TMPRSS7: variants seen among roughly 807,000 people sequenced by gnomAD.
TMPRSS7 encodes the protein transmembrane serine protease 7, also known as transmembrane protease serine 7.
In TMPRSS7, 81 loss-of-function variants were observed where a neutral mutation model predicts 95.6. That is an observed-to-expected ratio of 0.85 (90% CI 0.71 to 1.02). TMPRSS7 has a LOEUF of 1.02. Ranked by LOEUF, TMPRSS7 falls within the 50% of genes least tolerant of loss-of-function variation. TMPRSS7 has a pLI of 0.00. For synonymous variants in TMPRSS7, 364 were observed against 337.8 expected, an observed-to-expected ratio of 1.08 and a Z score of -0.85; for missense variants, 945 against 955.2, an observed-to-expected ratio of 0.99 and a Z score of 0.14.
rs531493398 is a variant in TMPRSS7, at chr3:112,043,423, T to G, written c.430-832T>G. On this transcript the variant is annotated intron_variant, in intron 3 of 17. Transcript: ENST00000452346. The stretch of plus-strand genomic sequence containing the variant: ...AAAATTATCCCAAGGAGGTGGGTGT[T>G]TTGATTACCACTTTATAGGTGAAAA... 3.9e-5 allele frequency among the ~76,000 whole-genome samples: 6 copies of G among 152,288 alleles called. No individual in the cohort carries two copies. In the South Asian group the frequency reaches 1.2e-3, roughly 32 times the overall value.
chr3:112,044,337 T>C lies in TMPRSS7; in HGVS notation c.497+15T>C. ...GCAGATGTCAGGTAATGCATGTCCC[T>C]TGTTTTGAGATTTCTGTGTTCATTG... On this transcript the variant is annotated intron_variant, in intron 4 of 17. Coordinates refer to ENST00000452346, the Ensembl canonical transcript of TMPRSS7. The C allele has an allele frequency of 1.3e-6, 2 of 1,546,888 alleles. No individual in the cohort carries two copies. The highest frequency in any genetic ancestry group is 1.7e-6 in the Non-Finnish European group (2 of 1,142,880).
intron 12 of TMPRSS7, among the ~76,000 whole-genome samples, chr3:112,065,543 GT>G (rs1181434710): frequency 6.6e-6 from 1 of 152,024 alleles, no homozygotes; most frequent in Non-Finnish European, 1.5e-5. Context: ...AATAAGGACT[GT>G]TTTTTGGTAA....
chr3:112,048,404 G>A (rs560407271), intron 7 of TMPRSS7, among the ~76,000 whole-genome samples: 98 of 152,104 alleles, frequency 6.4e-4, no homozygotes, highest in African/African-American at 2.3e-3. Context: ...TAGAGGAAAC[G>A]GTATCAATTA....
At chr3:112,041,832 A>G in intron 2 of TMPRSS7, 88 bp from the exon 3 acceptor site, 1 of 834,132 alleles carries the variant, frequency 1.2e-6, no homozygotes, top group East Asian at 2.7e-5. Flanking sequence ...AAATTATTTT[A>G]GGAGCCTCAT....
chr3:112,044,371 T>C (rs2073250652), intron 4 of TMPRSS7, 49 bp downstream of exon 4: 1 of 1,460,072 alleles, frequency 6.8e-7, no homozygotes, highest in Non-Finnish European at 9.4e-7. Context: ...TGTTCTAAAG[T>C]CCATTCAAGG....
chr3:112,065,838 A>T (rs1013116238), intron 12 of TMPRSS7, among the ~76,000 whole-genome samples: 2 of 152,258 alleles, frequency 1.3e-5, no homozygotes, highest in African/African-American at 4.8e-5. Flanking sequence ...GATTTACATT[A>T]ATATTTCCTA....
chr3:112,054,906 A>AT (rs2073413397), intron 9 of TMPRSS7, among the ~76,000 whole-genome samples: 2 of 151,276 alleles, frequency 1.3e-5, no homozygotes, highest in Non-Finnish European at 2.9e-5. Flanking sequence ...AGTCCAGCTA[A>AT]TTTTTTCTAT....
chr3:112,049,412 G>A (rs192280356), intron 7 of TMPRSS7, among the ~76,000 whole-genome samples: 11 of 152,256 alleles, frequency 7.2e-5, no homozygotes, highest in African/African-American at 2.4e-4. Context: ...AACACACATG[G>A]CCTTTTTTTC....
In TMPRSS7 at chr3:112,057,124, G is replaced by T; in HGVS notation, c.1303G>T (p.Glu435Ter). The T allele has an allele frequency of 6.2e-7, 1 of 1,606,462 alleles. No homozygotes were observed. Among genetic ancestry groups the T allele is most frequent in the South Asian group, 1.1e-5 (1 of 90,618 alleles). The change falls in exon 10 of 18, where the codon GAG becomes TAG. Residue 435 changes from glutamate to a stop codon, truncating the protein, a stop_gained. Coordinates refer to ENST00000452346, the Ensembl canonical transcript of TMPRSS7. LOFTEE classifies it high-confidence loss of function. ...TGAGCATGGATGGTGGGAAATTAAT[G>T]AGCACATGTAAGTGATTTTCATATG...
intron 3 of TMPRSS7, among the ~76,000 whole-genome samples, chr3:112,042,747 AC>A (rs899412585): frequency 6.6e-6 from 1 of 152,200 alleles, no homozygotes; most frequent in African/African-American, 2.4e-5. Flanking sequence ...GCTGTTCCCA[AC>A]TTTTGCTATA....
intron 9 of TMPRSS7, among the ~76,000 whole-genome samples, chr3:112,056,499 A>G (rs2073434919): frequency 6.6e-6 from 1 of 152,172 alleles, no homozygotes; most frequent in Non-Finnish European, 1.5e-5. Context: ...GTGCATGCAC[A>G]CACACACGCA....
chr3:112,049,747 T>A, intron 7 of TMPRSS7, 97 bp from the exon 8 acceptor site: 1 of 1,048,378 alleles, frequency 9.5e-7, no homozygotes, highest in Non-Finnish European at 1.3e-6. Flanking sequence ...ATGGATTGAA[T>A]GGATGGCCCA....
chr3:112,075,875 ATCTT>A (rs1275631863), intron 15 of TMPRSS7, among the ~76,000 whole-genome samples: 2 of 152,208 alleles, frequency 1.3e-5, no homozygotes, highest in Admixed American at 6.5e-5. Context: ...GTAAGAGGAC[ATCTT>A]AGAAAATAAC....
chr3:112,042,253 C>G (rs546321918), intron 3 of TMPRSS7, among the ~76,000 whole-genome samples: 2 of 152,138 alleles, frequency 1.3e-5, no homozygotes, highest in East Asian at 3.9e-4. Flanking sequence ...TGCCCCCATG[C>G]TCCAATGTAA....
Position 112,074,413 on chromosome 3 carries a change from G to C in TMPRSS7, c.1783+1G>C. On this transcript the variant is annotated splice_donor_variant, in intron 14 of 17. Transcript: ENST00000452346. LOFTEE classifies it high-confidence loss of function. ...GATGGAAGTGATGAAGAAGGCTGCA[G>C]TAAGTAGAAATTCATTCCTTTGGGT... 1 of 1,605,678 alleles carries C rather than the reference G, an allele frequency of 6.2e-7. No homozygotes were observed. The highest frequency in any genetic ancestry group is 8.5e-7 in the Non-Finnish European group (1 of 1,173,552).
intron 6 of TMPRSS7, 44 bp from the exon 7 acceptor site, chr3:112,047,695 C>T (rs1427733840): frequency 7.0e-7 from 1 of 1,423,088 alleles, no homozygotes; most frequent in Admixed American, 2.0e-5. Context: ...AAAAGTCATT[C>T]CTAAAAAAAA....
At chr3:112,040,180 C>G (rs1404664365) in intron 2 of TMPRSS7, among the ~76,000 whole-genome samples, 1 of 152,148 alleles carries the variant, frequency 6.6e-6, no homozygotes, top group African/African-American at 2.4e-5. Context: ...TTGAACGGTT[C>G]AGGTCACTTA....
chr3:112,062,862 G>A (rs1359041928), intron 11 of TMPRSS7, among the ~76,000 whole-genome samples: 3 of 152,016 alleles, frequency 2.0e-5, no homozygotes, highest in Non-Finnish European at 2.9e-5. Flanking sequence ...GTTTACCTAC[G>A]AACTCAGGAT....
Position 112,059,539 on chromosome 3 carries a change from T to C in TMPRSS7, c.1311-2248T>C, listed in dbSNP as rs147855366. 1.8e-4 allele frequency among the ~76,000 whole-genome samples: 28 copies of C among 152,254 alleles called. No homozygotes were observed. In the East Asian group the frequency reaches 5.4e-3, roughly 29 times the overall value. ...ATGTTAATGGTGAGCACAAAGGAAATCACTATGAGATTCAGATAACATAAT... is the reference window on the plus strand; with the variant it reads ...ATGTTAATGGTGAGCACAAAGGAAACCACTATGAGATTCAGATAACATAAT... On this transcript the variant is annotated intron_variant, in intron 10 of 17. Coordinates refer to ENST00000452346, the Ensembl canonical transcript of TMPRSS7.
Sources: gnomAD v4.1 joint callset for allele counts (sites outside exome capture counted in the v4.1 genomes callset) on GRCh38, gnomAD v4.1.1 for gene constraint, MANE v1.5 for transcripts, NCBI Gene and HGNC (gene_info 2026-07-23, HGNC 2026-07-21) for gene names.